The following LSAMP variants were observed in gnomAD, a reference collection of about 807,000 sequenced individuals.
The protein encoded by LSAMP is limbic system associated membrane protein.
LSAMP carries 7 observed loss-of-function variants against 38.6 expected under a neutral mutation model. The observed-to-expected ratio is 0.18, with a 90% confidence interval of 0.10 to 0.34. The LOEUF (loss-of-function observed/expected upper bound fraction) is 0.34. Ranked by LOEUF, LSAMP falls within the 10% of genes least tolerant of loss-of-function variation. The pLI, the probability that LSAMP is intolerant of heterozygous loss-of-function variation, is 1.00. For missense variants in LSAMP, 313 were observed against 420.0 expected (o/e 0.75, Z 2.23); for synonymous variants, 154 against 166.8 (o/e 0.92, Z 0.59).
intron 3 of LSAMP, among the ~76,000 whole-genome samples, chr3:115,994,857 G>A (rs1395770930): frequency 6.6e-6 from 1 of 152,036 alleles, no homozygotes; most frequent in Non-Finnish European, 1.5e-5. Flanking sequence ...TTGATAACAG[G>A]CATTTGCATG....
intron 3 of LSAMP, among the ~76,000 whole-genome samples, chr3:115,979,249 A>G (rs1448177113): frequency 6.7e-6 from 1 of 149,746 alleles, no homozygotes; most frequent in Non-Finnish European, 1.5e-5. Context: ...TTCTCCATCA[A>G]CCCTAGAACA....
chr3:115,841,958 G>C lies in LSAMP; in HGVS notation c.806C>G (p.Thr269Arg). 1 of 1,613,628 alleles carries C rather than the reference G, an allele frequency of 6.2e-7. No homozygotes were observed. The highest frequency in any genetic ancestry group is 8.5e-7 in the Non-Finnish European group (1 of 1,179,976). Reference protein sequence around the residue: ...NSANGLEIKSTEGQSSLTVTN... With the variant: ...NSANGLEIKSREGQSSLTVTN... ...CACCGTCAGGGAAGACTGGCCCTCCGTGCTCTTAATCTCAAGGCCATTGGC... is the reference window on the plus strand; with the variant it reads ...CACCGTCAGGGAAGACTGGCCCTCCCTGCTCTTAATCTCAAGGCCATTGGC... The change falls in exon 6 of 7, where the codon ACG becomes AGG. Residue 269 changes from threonine to arginine, a missense_variant. By Grantham distance (71) the Thr-to-Arg change is moderately conservative (BLOSUM62 -1). Transcript: ENST00000490035.
At position 116,222,860 on chromosome 3, in the gene LSAMP, C is replaced by T. The variant is rs185232082; in HGVS notation, c.156-136304G>A. Among the ~76,000 whole-genome samples the T allele has an allele frequency of 7.5e-3, 1,123 of 150,038 alleles. 12 individuals are homozygous for T. Among genetic ancestry groups the T allele is most frequent in the African/African-American group, 0.026 (1,065 of 40,738 alleles). On this transcript the variant is annotated intron_variant, in intron 1 of 6. Transcript: ENST00000490035. ...ACACCATTCTCCTGCCTCAGCCTCCCGAGTAGCTGGGACTACAGGCGCCCG... is the reference window on the plus strand; with the variant it reads ...ACACCATTCTCCTGCCTCAGCCTCCTGAGTAGCTGGGACTACAGGCGCCCG...
chr3:115,842,469 C>T lies in LSAMP; in HGVS notation c.759G>A (p.Arg253=). The change falls in exon 5 of 7, where the codon CGG becomes CGA. Residue 253 remains arginine (R), a synonymous_variant. Coordinates refer to ENST00000490035, the MANE Select transcript of LSAMP (RefSeq NM_002338.5). The part of the protein sequence containing the change: ...AVPAPDFEWY[R]DDTRINSANG... ...GGTTTGGCACATACCTAGTGTCATC[C>T]CGGTACCACTCAAAGTCAGGTGCAG... 6.2e-7 allele frequency: 1 copy of T among 1,613,776 alleles called. No homozygotes were observed. Among genetic ancestry groups the T allele is most frequent in the Non-Finnish European group, 8.5e-7 (1 of 1,179,814 alleles).
chr3:116,008,252 C>A (rs569164133), intron 3 of LSAMP, among the ~76,000 whole-genome samples: 1 of 152,118 alleles, frequency 6.6e-6, no homozygotes, highest in African/African-American at 2.4e-5. Flanking sequence ...GTTTTACAGA[C>A]GGAAAGTAGA....
At chr3:116,318,337 T>C (rs1321023650) in intron 1 of LSAMP, among the ~76,000 whole-genome samples, 1 of 152,120 alleles carries the variant, frequency 6.6e-6, no homozygotes. Context: ...CACAGAGAGA[T>C]GTAGCAGCTA....
chr3:116,355,412 T>C (rs2107770934), intron 1 of LSAMP, among the ~76,000 whole-genome samples: 1 of 152,294 alleles, frequency 6.6e-6, no homozygotes, highest in Non-Finnish European at 1.5e-5. Context: ...TTGACACCTG[T>C]CTCTCACCAT....
intron 3 of LSAMP, among the ~76,000 whole-genome samples, chr3:115,959,243 A>G (rs1938550537): frequency 6.6e-6 from 1 of 152,202 alleles, no homozygotes; most frequent in Non-Finnish European, 1.5e-5. Context: ...CTTGTGAGAC[A>G]CAGCAGTATC....
At chr3:116,411,890 T>C (rs2048984567) in intron 1 of LSAMP, among the ~76,000 whole-genome samples, 1 of 151,944 alleles carries the variant, frequency 6.6e-6, no homozygotes, top group Admixed American at 6.6e-5. Context: ...GGGTTAATTA[T>C]TGAGGGAGTG....
chr3:116,242,900 C>T (rs1341958037), intron 1 of LSAMP, among the ~76,000 whole-genome samples: 3 of 152,032 alleles, frequency 2.0e-5, no homozygotes, highest in African/African-American at 7.3e-5. Flanking sequence ...GATTCTTTAT[C>T]CTGAAGTAAA....
chr3:115,954,581 A>G (rs560321361), intron 3 of LSAMP, among the ~76,000 whole-genome samples: 2 of 152,364 alleles, frequency 1.3e-5, no homozygotes, highest in South Asian at 2.1e-4. Context: ...GAGATAGAGC[A>G]TTCATTTGCA....
intron 2 of LSAMP, among the ~76,000 whole-genome samples, chr3:116,081,672 T>C (rs182277448): frequency 6.6e-6 from 1 of 152,250 alleles, no homozygotes; most frequent in Non-Finnish European, 1.5e-5. Context: ...TTTTCACAAT[T>C]ATATTATTTT....
intron 1 of LSAMP, among the ~76,000 whole-genome samples, chr3:116,339,600 T>G (rs1214869006): frequency 2.0e-5 from 3 of 151,992 alleles, no homozygotes; most frequent in Non-Finnish European, 4.4e-5. Context: ...AATGATTGAC[T>G]GGTAGAGCAC....
At chr3:116,165,555 T>TACAC (rs766650000) in intron 1 of LSAMP, among the ~76,000 whole-genome samples, 2 of 151,174 alleles carry the variant, frequency 1.3e-5, no homozygotes, top group African/African-American at 4.9e-5. Context: ...CAAACACACA[T>TACAC]ACACACACAC....
At chr3:115,837,250 T>A (rs1934818023) in intron 6 of LSAMP, among the ~76,000 whole-genome samples, 1 of 152,062 alleles carries the variant, frequency 6.6e-6, no homozygotes, top group Admixed American at 6.5e-5. Flanking sequence ...AAAAGAAAAT[T>A]AAAAACACCT....
intron 3 of LSAMP, among the ~76,000 whole-genome samples, chr3:115,991,968 C>T (rs747084483): frequency 3.3e-5 from 5 of 152,052 alleles, no homozygotes; most frequent in Admixed American, 1.3e-4. Context: ...TTTGCTCTTG[C>T]ACATGCTACT....
At chr3:116,410,980 C>A (rs929302076) in intron 1 of LSAMP, among the ~76,000 whole-genome samples, 1 of 152,046 alleles carries the variant, frequency 6.6e-6, no homozygotes, top group Admixed American at 6.6e-5. Flanking sequence ...ATGTTCCCTG[C>A]AAAACTTGTG....
rs1379965001 is a variant in LSAMP at position 116,050,907 on chromosome 3, CG to C, written c.389-31268del. 3.3e-5 allele frequency among the ~76,000 whole-genome samples: 5 copies of C among 152,212 alleles called. No individual in the cohort carries two copies. The East Asian group carries it at 7.7e-4, about 24-fold the overall frequency. On this transcript the variant is annotated intron_variant, in intron 2 of 6. Coordinates refer to ENST00000490035, the MANE Select transcript of LSAMP (RefSeq NM_002338.5). ...AATTGTGCCTTATAAGGCCATAGTA[CG>C]GGGCACACCAGAATGCCAACAGGAC...
At chr3:116,332,857 C>A (rs2047868437) in intron 1 of LSAMP, among the ~76,000 whole-genome samples, 1 of 151,314 alleles carries the variant, frequency 6.6e-6, no homozygotes, top group African/African-American at 2.4e-5. Flanking sequence ...TAGTATCAGA[C>A]AAAATGAACT....
Sources: gnomAD v4.1 joint callset for allele counts (sites outside exome capture counted in the v4.1 genomes callset) on GRCh38, gnomAD v4.1.1 for gene constraint, MANE v1.5 for transcripts, NCBI Gene and HGNC (gene_info 2026-07-23, HGNC 2026-07-21) for gene names.